Variants in IMMP2L observed in about 807,000 individuals in gnomAD.
IMMP2L encodes mitochondrial inner membrane protease subunit 2.
Under a neutral mutation model 19.3 loss-of-function variants are expected in IMMP2L, and 18 were observed. The ratio of observed to expected loss-of-function variants is 0.93; its 90% CI spans 0.64 to 1.38. The LOEUF (loss-of-function observed/expected upper bound fraction) is 1.38, where lower values mean the gene tolerates loss of function less well. IMMP2L is among the 40% of genes most tolerant of loss of function. The pLI, the probability that IMMP2L is intolerant of heterozygous loss-of-function variation, is 0.00. For missense variants in IMMP2L, 233 were observed against 218.2 expected (o/e 1.07, Z -0.43); for synonymous variants, 76 against 73.0 (o/e 1.04, Z -0.21).
At chr7:110,990,370 G>T (rs1822327644) in intron 3 of IMMP2L, among the ~76,000 whole-genome samples, 1 of 151,942 alleles carries the variant, frequency 6.6e-6, no homozygotes, top group Non-Finnish European at 1.5e-5. Context: ...AATCTAAATG[G>T]GCCACATTTT....
chr7:111,090,193 A>C (rs1196966770), intron 3 of IMMP2L, among the ~76,000 whole-genome samples: 3 of 152,140 alleles, frequency 2.0e-5, no homozygotes, highest in African/African-American at 7.2e-5. Context: ...AGAAATATGC[A>C]CTGCTATGTG....
At chr7:110,978,666 A>G (rs1820948193) in intron 3 of IMMP2L, among the ~76,000 whole-genome samples, 1 of 152,006 alleles carries the variant, frequency 6.6e-6, no homozygotes, top group South Asian at 2.1e-4. Flanking sequence ...GCTTAAAAAA[A>G]TCCTGTTTAA....
intron 5 of IMMP2L, among the ~76,000 whole-genome samples, chr7:110,831,752 A>T (rs1013626646): frequency 6.6e-6 from 1 of 152,198 alleles, no homozygotes; most frequent in African/African-American, 2.4e-5. Flanking sequence ...AGAGGGAAAG[A>T]ATCTGCAGAA....
intron 3 of IMMP2L, among the ~76,000 whole-genome samples, chr7:111,243,726 C>A (rs1468141972): frequency 3.2e-5 from 3 of 92,860 alleles, no homozygotes; most frequent in Non-Finnish European, 6.4e-5. Flanking sequence ...TCCATGTGAT[C>A]TCATTGTTCA....
At chr7:111,529,864 A>C (rs1025351643) in intron 1 of IMMP2L, among the ~76,000 whole-genome samples, 4 of 152,332 alleles carry the variant, frequency 2.6e-5, no homozygotes, top group Admixed American at 2.6e-4. Flanking sequence ...TTTGAAGGTC[A>C]TGCTCTAGTA....
At chr7:110,815,234 T>C (rs1802389283) in intron 5 of IMMP2L, among the ~76,000 whole-genome samples, 1 of 152,168 alleles carries the variant, frequency 6.6e-6, no homozygotes, top group Non-Finnish European at 1.5e-5. Context: ...CATGTGGTTT[T>C]TGTCTTTGGC....
At chr7:111,280,817 C>T (rs2070931213) in intron 3 of IMMP2L, among the ~76,000 whole-genome samples, 1 of 152,030 alleles carries the variant, frequency 6.6e-6, no homozygotes, top group Admixed American at 6.6e-5. Context: ...GGCCTGTAAT[C>T]CCAGGACTTT....
chr7:111,133,264 A>G (rs559226547), intron 3 of IMMP2L, among the ~76,000 whole-genome samples: 72 of 152,164 alleles, frequency 4.7e-4, no homozygotes, highest in African/African-American at 1.7e-3. Context: ...GGCAATTGCA[A>G]TTCAGGGAAA....
intron 5 of IMMP2L, among the ~76,000 whole-genome samples, chr7:110,778,575 C>T (rs1799543507): frequency 6.6e-6 from 1 of 151,906 alleles, no homozygotes. Context: ...TTTATTCCTC[C>T]ATATTTCAGA....
At chr7:110,798,416 A>T (rs1166033612) in intron 5 of IMMP2L, among the ~76,000 whole-genome samples, 1 of 151,984 alleles carries the variant, frequency 6.6e-6, no homozygotes, top group African/African-American at 2.4e-5. Context: ...CCTCATTCAC[A>T]ATTTTATCCA....
chr7:110,672,751 T>C (rs187040777), intron 5 of IMMP2L, among the ~76,000 whole-genome samples: 1 of 152,276 alleles, frequency 6.6e-6, no homozygotes, highest in Non-Finnish European at 1.5e-5. Flanking sequence ...TCCAAAATGA[T>C]TCTCCTTTGA....
intron 3 of IMMP2L, among the ~76,000 whole-genome samples, chr7:111,193,513 G>A (rs757610412): frequency 2.8e-4 from 42 of 152,078 alleles, no homozygotes; most frequent in Non-Finnish European, 4.9e-4. Flanking sequence ...CATCTCCAAC[G>A]ACTTTTAAAG....
chr7:110,831,886 G>A (rs780168787), intron 5 of IMMP2L, among the ~76,000 whole-genome samples: 5 of 152,160 alleles, frequency 3.3e-5, no homozygotes, highest in Non-Finnish European at 5.9e-5. Context: ...ACTTGTTAGA[G>A]GCTTCGGTGA....
chr7:111,527,730 C>T (rs1035440984), intron 1 of IMMP2L, among the ~76,000 whole-genome samples: 3 of 152,130 alleles, frequency 2.0e-5, no homozygotes, highest in African/African-American at 4.8e-5. Flanking sequence ...AACACCGTTG[C>T]TCTTTCACTT....
At chr7:110,735,887 C>G (rs946212781) in intron 5 of IMMP2L, among the ~76,000 whole-genome samples, 2 of 144,508 alleles carry the variant, frequency 1.4e-5, no homozygotes, top group Non-Finnish European at 3.0e-5. Flanking sequence ...AAATAATGAC[C>G]CCAAAAGCAT....
At chr7:111,294,893 C>A (rs914591369) in intron 3 of IMMP2L, among the ~76,000 whole-genome samples, 3 of 151,840 alleles carry the variant, frequency 2.0e-5, no homozygotes, top group African/African-American at 7.2e-5. Context: ...CTTACCCCAG[C>A]TAAGTATAAT....
At chr7:110,909,908 A>AAG (rs1049961529) in intron 4 of IMMP2L, among the ~76,000 whole-genome samples, 5 of 145,432 alleles carry the variant, frequency 3.4e-5, no homozygotes, top group African/African-American at 1.1e-4. Flanking sequence ...GAGAGAGAGA[A>AAG]AGAGAGAGAG....
intron 4 of IMMP2L, among the ~76,000 whole-genome samples, chr7:110,919,691 T>A (rs259007): frequency 0.48 from 72,575 of 150,468 alleles, 17,997 homozygotes; most frequent in East Asian, 0.81. Flanking sequence ...GAAAAAAAAA[T>A]ATTCTAAGAG....
intron 3 of IMMP2L, among the ~76,000 whole-genome samples, chr7:111,454,296 T>C (rs1049896838): frequency 1.3e-5 from 2 of 152,126 alleles, no homozygotes; most frequent in Admixed American, 6.6e-5. Flanking sequence ...CACACGTGGC[T>C]CATCAAGTGA....
Sources: gnomAD v4.1 joint callset for allele counts (sites outside exome capture counted in the v4.1 genomes callset) on GRCh38, gnomAD v4.1.1 for gene constraint, MANE v1.5 for transcripts, NCBI Gene and HGNC (gene_info 2026-07-23, HGNC 2026-07-21) for gene names.